The following PRDM16 variants were observed in gnomAD, a reference collection of about 807,000 sequenced individuals.
PRDM16 encodes PR/SET domain 16, also known as histone-lysine N-methyltransferase PRDM16.
In PRDM16, 23 loss-of-function variants were observed where a neutral mutation model predicts 110.6. The observed-to-expected ratio is 0.21, with a 90% confidence interval of 0.15 to 0.29. The LOEUF is 0.29. PRDM16 is among the 10% of genes least tolerant of loss of function. The probability of loss-of-function intolerance (pLI) is 1.00; values close to 1 mark genes in which losing one functional copy is unlikely to be tolerated. For synonymous variants in PRDM16, 799 were observed against 781.8 expected (o/e 1.02, Z -0.37); for missense variants, 1,615 against 1,794.3 (o/e 0.90, Z 1.81).
intron 2 of PRDM16, among the ~76,000 whole-genome samples, chr1:3,218,264 G>A (rs1009862065): frequency 1.3e-5 from 2 of 152,220 alleles, no homozygotes; most frequent in African/African-American, 2.4e-5. Flanking sequence ...CTTTCATTCC[G>A]GCTTCATATT....
intron 1 of PRDM16, among the ~76,000 whole-genome samples, chr1:3,077,351 G>C (rs1358227744): frequency 6.6e-6 from 1 of 152,144 alleles, no homozygotes; most frequent in Non-Finnish European, 1.5e-5. Flanking sequence ...CCAGCCCCAC[G>C]CTGGCCTGGG....
chr1:3,133,125 A>C (rs566845541), intron 1 of PRDM16: 2 of 152,370 alleles, frequency 1.3e-5, no homozygotes, highest in Admixed American at 6.5e-5. Flanking sequence ...CCTCCAGGAC[A>C]AAGCCCGAAG....
rs143963728 is a variant in PRDM16, at chr1:3,121,621, C to T, written c.37+52325C>T. Among the ~76,000 whole-genome samples the T allele has an allele frequency of 5.9e-3, 894 of 152,334 alleles. 13 individuals are homozygous for T. The highest frequency in any genetic ancestry group is 0.019 in the African/African-American group (790 of 41,582). On this transcript the variant is annotated intron_variant, in intron 1 of 16. Coordinates refer to ENST00000270722, the MANE Select transcript of PRDM16 (RefSeq NM_022114.4). The stretch of plus-strand genomic sequence containing the variant: ...CGGTGGTGAGAAATGAATGGGCTTC[C>T]GAATGCCGAGAAACAGATGTGAGGC...
intron 1 of PRDM16, among the ~76,000 whole-genome samples, chr1:3,159,432 G>T (rs1004986710): frequency 6.6e-6 from 1 of 152,224 alleles, no homozygotes; most frequent in African/African-American, 2.4e-5. Flanking sequence ...CTCATAGATG[G>T]CATCTCCTTC....
At chr1:3,183,056 G>A (rs1644229609) in intron 1 of PRDM16, among the ~76,000 whole-genome samples, 1 of 152,226 alleles carries the variant, frequency 6.6e-6, no homozygotes, top group Admixed American at 6.5e-5. Flanking sequence ...CAGGTCTCCT[G>A]ACAAGTCAAT....
chr1:3,409,015 G>A (rs1254232010), intron 8 of PRDM16, among the ~76,000 whole-genome samples: 1 of 151,032 alleles, frequency 6.6e-6, no homozygotes, highest in Non-Finnish European at 1.5e-5. Context: ...GTGAGCCGGG[G>A]CATGTCAGTG....
chr1:3,123,341 T>C (rs1452101495), intron 1 of PRDM16, among the ~76,000 whole-genome samples: 1 of 152,156 alleles, frequency 6.6e-6, no homozygotes, highest in African/African-American at 2.4e-5. Context: ...AAGCAATGTA[T>C]CTCCAGGCGT....
At chr1:3,247,988 G>A (rs1174372804) in intron 3 of PRDM16, among the ~76,000 whole-genome samples, 1 of 152,202 alleles carries the variant, frequency 6.6e-6, no homozygotes, top group Non-Finnish European at 1.5e-5. Flanking sequence ...CACTCCGGGC[G>A]CGCAGCTCCC....
At chr1:3,305,186 A>C (rs1337185899) in intron 3 of PRDM16, among the ~76,000 whole-genome samples, 1 of 152,204 alleles carries the variant, frequency 6.6e-6, no homozygotes, top group Non-Finnish European at 1.5e-5. Flanking sequence ...CCTTTTGTTC[A>C]AGAACATTTC....
intron 1 of PRDM16, chr1:3,133,009 C>T (rs12740389): frequency 0.047 from 7,212 of 152,370 alleles, 237 homozygotes; most frequent in Non-Finnish European, 0.067. Context: ...CACTGCACCA[C>T]GTTTTGAAGA....
At chr1:3,224,248 G>A (rs16823548) in intron 2 of PRDM16, among the ~76,000 whole-genome samples, 4,180 of 152,256 alleles carry the variant, frequency 0.027, 171 homozygotes, top group South Asian at 0.21. Context: ...ATTTTATATC[G>A]TGCACAAAAA....
chr1:3,414,654 C>T lies in PRDM16; in HGVS notation c.2691+7C>T, dbSNP rs778258588. The T allele has an allele frequency of 1.2e-6, 2 of 1,610,912 alleles. No homozygotes were observed. Among genetic ancestry groups the T allele is most frequent in the Non-Finnish European group, 8.5e-7 (1 of 1,178,296 alleles). ...GCTGCTCTTCCACCCCCAGGTACGT[C>T]CTCAGTGCAGGTCAGGGCGCCCTGT... On this transcript the variant is annotated splice_region_variant and intron_variant, in intron 10 of 16. Transcript: ENST00000270722.
At chr1:3,160,941 G>A (rs372657405) in intron 1 of PRDM16, among the ~76,000 whole-genome samples, 47 of 152,280 alleles carry the variant, frequency 3.1e-4, no homozygotes, top group Admixed American at 2.5e-3. Context: ...GGTGGCTTTC[G>A]TTTCTTTATT....
intron 3 of PRDM16, among the ~76,000 whole-genome samples, chr1:3,248,017 C>A (rs759856762): frequency 2.6e-5 from 4 of 152,134 alleles, no homozygotes; most frequent in Non-Finnish European, 4.4e-5. Context: ...CCGCCGGAGC[C>A]GGTAATAAAA....
rs1638849570 is a variant in PRDM16 at position 3,434,213 on chromosome 1, C to T, written c.*402C>T. The T allele has an allele frequency of 8.1e-6, 2 of 246,646 alleles. No homozygotes were observed. Among genetic ancestry groups the T allele is most frequent in the Non-Finnish European group, 7.8e-6 (1 of 127,694 alleles). The allele number at this position is 246,646 out of a possible 1,614,324, so 15.3% of individuals were successfully genotyped here. A position where few individuals can be genotyped will look rare whatever the true frequency, so the allele number is the denominator to read the frequency against. On this transcript the variant is annotated 3_prime_UTR_variant, in exon 17 of 17. Coordinates refer to ENST00000270722, the MANE Select transcript of PRDM16 (RefSeq NM_022114.4). ...TGGTGTGCTCAAAAGAGAGAGATCA[C>T]TCAAATGATTTTTATAATGAAATGA...
At chr1:3,389,162 C>G (rs1253650727) in intron 4 of PRDM16, among the ~76,000 whole-genome samples, 1 of 152,194 alleles carries the variant, frequency 6.6e-6, no homozygotes, top group Non-Finnish European at 1.5e-5. Context: ...TGGGGAGAGG[C>G]AGGGGACAGG....
In PRDM16 at chr1:3,340,442, C is replaced by T. The variant is rs374337275; in HGVS notation, c.439-44710C>T. 8.5e-5 allele frequency among the ~76,000 whole-genome samples: 13 copies of T among 152,276 alleles called. No individual in the cohort carries two copies. In the East Asian group the frequency reaches 1.5e-3, roughly 18 times the overall value. On this transcript the variant is annotated intron_variant, in intron 3 of 16. Coordinates refer to ENST00000270722, the MANE Select transcript of PRDM16 (RefSeq NM_022114.4). ...GCCATAAATACCAAACACCCGCTCC[C>T]GGAGAGCCAGCGCCATGGATCAGTG... is the stretch of plus-strand genomic sequence containing the variant.
intron 1 of PRDM16, among the ~76,000 whole-genome samples, chr1:3,101,992 T>C (rs1642544042): frequency 6.6e-6 from 1 of 152,102 alleles, no homozygotes; most frequent in African/African-American, 2.4e-5. Context: ...GGGTGGTTTT[T>C]CAACATTCTC....
chr1:3,069,948 CT>C lies in PRDM16; in HGVS notation c.37+656del, dbSNP rs1641707342. Among the ~76,000 whole-genome samples, 1 of 151,972 alleles carries C rather than the reference CT, an allele frequency of 6.6e-6. No homozygotes were observed. On this transcript the variant is annotated intron_variant, in intron 1 of 16. Coordinates refer to ENST00000270722, the MANE Select transcript of PRDM16 (RefSeq NM_022114.4). The surrounding 1 kb of genome is among the most constrained non-coding windows in gnomAD (Gnocchi z 6.1). ...AGCCACTTGGGGAGCAAAATGGAGACTTTTGCCCGGGCTGGGAACTGTGGTC... is the reference window on the plus strand; with the variant it reads ...AGCCACTTGGGGAGCAAAATGGAGACTTTGCCCGGGCTGGGAACTGTGGTC...
Sources: allele counts gnomAD v4.1 joint callset (sites outside exome capture counted in the v4.1 genomes callset), GRCh38; gene constraint gnomAD v4.1.1; non-coding constraint Gnocchi (gnomAD v3.1); transcripts MANE v1.5; gene names NCBI Gene and HGNC (gene_info 2026-07-23, HGNC 2026-07-21).